The following NEK6 variants were observed in gnomAD, a reference collection of about 807,000 sequenced individuals.
NEK6 encodes NIMA related kinase 6.
In NEK6, 27 loss-of-function variants were observed where a neutral mutation model predicts 43.5. The ratio of observed to expected loss-of-function variants is 0.62; its 90% CI spans 0.46 to 0.86. NEK6 has a LOEUF of 0.86. Among genes scored for constraint, NEK6 ranks in the 40% least tolerant of loss-of-function variants. NEK6 has a pLI of 0.00. For missense variants in NEK6, 318 were observed against 414.4 expected (o/e 0.77, Z 2.02); for synonymous variants, 167 against 164.1 (o/e 1.02, Z -0.14).
intron 7 of NEK6, among the ~76,000 whole-genome samples, chr9:124,334,891 C>G (rs934840250): frequency 6.6e-6 from 1 of 152,192 alleles, no homozygotes; most frequent in African/African-American, 2.4e-5. Flanking sequence ...CCCACAGCAT[C>G]CCTCCTGTAG....
chr9:124,285,631 C>G (rs1180318098), intron 1 of NEK6, among the ~76,000 whole-genome samples: 1 of 152,150 alleles, frequency 6.6e-6, no homozygotes, highest in Non-Finnish European at 1.5e-5. Context: ...GGTTCAGGAT[C>G]TCCAAACACA....
chr9:124,297,431 C>T (rs1369558747), intron 1 of NEK6, among the ~76,000 whole-genome samples: 2 of 152,172 alleles, frequency 1.3e-5, no homozygotes, highest in Non-Finnish European at 1.5e-5. Flanking sequence ...TAGATGAAAC[C>T]GGGCCAGGAC....
chr9:124,332,512 G>A (rs1829054535), intron 7 of NEK6, among the ~76,000 whole-genome samples: 2 of 152,164 alleles, frequency 1.3e-5, no homozygotes, highest in African/African-American at 4.8e-5. Flanking sequence ...GTCCCATGGA[G>A]GATTCAGTGC....
At chr9:124,333,923 G>A (rs922127523) in intron 7 of NEK6, among the ~76,000 whole-genome samples, 10 of 152,082 alleles carry the variant, frequency 6.6e-5, no homozygotes, top group Non-Finnish European at 1.5e-4. Context: ...GAGTACAGGC[G>A]CGTGCCACCA....
At position 124,340,408 on chromosome 9, in the gene NEK6, T is replaced by C. The variant is rs185341099; in HGVS notation, c.717+743T>C. On this transcript the variant is annotated intron_variant, in intron 8 of 9. Coordinates refer to ENST00000320246, the MANE Select transcript of NEK6 (RefSeq NM_014397.6). ...AGGCCTAAGTTCTCCGGTGTCCAGG[T>C]TGGCAGCCACACAAGCTCCCCACTG... 1.4e-3 allele frequency among the ~76,000 whole-genome samples: 206 copies of C among 152,290 alleles called. 1 individual carries two copies. The highest frequency in any genetic ancestry group is 2.6e-3 in the Non-Finnish European group (175 of 68,006).
chr9:124,313,118 C>G (rs759762186), intron 3 of NEK6, among the ~76,000 whole-genome samples: 1 of 152,190 alleles, frequency 6.6e-6, no homozygotes. Context: ...AGGACAGGAG[C>G]CATGTCCATG....
intron 1 of NEK6, among the ~76,000 whole-genome samples, chr9:124,280,459 C>T (rs1011573258): frequency 7.9e-5 from 12 of 152,234 alleles, no homozygotes; most frequent in South Asian, 2.1e-4. Flanking sequence ...ACCATTGGAG[C>T]GTCCTTAGAG....
intron 1 of NEK6, among the ~76,000 whole-genome samples, chr9:124,274,856 G>A (rs1831589743): frequency 6.6e-6 from 1 of 152,158 alleles, no homozygotes; most frequent in South Asian, 2.1e-4. Context: ...GTCCTCTCCA[G>A]TGCCGGCTCT....
intron 4 of NEK6, among the ~76,000 whole-genome samples, chr9:124,317,534 A>G (rs1242475606): frequency 6.6e-6 from 1 of 152,006 alleles, no homozygotes; most frequent in African/African-American, 2.4e-5. Context: ...TTAAATTTCC[A>G]TTTTTATTTT....
At chr9:124,300,258 C>CA (rs1203873824) in intron 1 of NEK6, 1 of 152,184 alleles carries the variant, frequency 6.6e-6, no homozygotes. Context: ...TGGCTGGAAA[C>CA]AGACTACAGT....
chr9:124,277,453 AAAC>A (rs1273564294), intron 1 of NEK6, among the ~76,000 whole-genome samples: 1 of 152,152 alleles, frequency 6.6e-6, no homozygotes, highest in Non-Finnish European at 1.5e-5. Context: ...CTCAAAAACA[AAAC>A]AAAGAATCCT....
chr9:124,315,581 G>A (rs1833772431), intron 4 of NEK6, among the ~76,000 whole-genome samples: 1 of 152,212 alleles, frequency 6.6e-6, no homozygotes, highest in Admixed American at 6.5e-5. Context: ...CACTTACCCA[G>A]CCCTGAGGAA....
chr9:124,324,193 G>GAGGCCTCATT lies in NEK6; in HGVS notation c.406-2137_406-2136insAGGCCTCATT, dbSNP rs1320881048. 2.6e-5 allele frequency among the ~76,000 whole-genome samples: 4 copies of GAGGCCTCATT among 152,238 alleles called. No individual in the cohort carries two copies. The highest frequency in any genetic ancestry group is 5.9e-5 in the Non-Finnish European group (4 of 68,032). On this transcript the variant is annotated intron_variant, in intron 5 of 9. Transcript: ENST00000320246. This position sits in a 1 kb window ranked among gnomAD's most constrained non-coding sequence, Gnocchi z 5.3. Reference sequence around the variant, plus strand: ...CCTGGATGGCCTCAGGCGGGTCCCTGTGCCTCAGTTGCCTCATCTGTAACA... The same window carrying GAGGCCTCATT: ...CCTGGATGGCCTCAGGCGGGTCCCTGAGGCCTCATTTGCCTCAGTTGCCTCATCTGTAACA...
chr9:124,284,117 GGC>G (rs1832045427), intron 1 of NEK6, among the ~76,000 whole-genome samples: 2 of 152,248 alleles, frequency 1.3e-5, no homozygotes, highest in Admixed American at 1.3e-4. Flanking sequence ...GGGAGGCTGA[GGC>G]GGGAGGATCA....
At chr9:124,339,508 C>T in intron 7 of NEK6, 63 bp from the exon 8 acceptor site, 1 of 1,214,822 alleles carries the variant, frequency 8.2e-7, no homozygotes, top group Non-Finnish European at 1.2e-6. Context: ...TCCAACCTCA[C>T]CTCTGTGCCC....
intron 1 of NEK6, among the ~76,000 whole-genome samples, chr9:124,264,128 A>G (rs145529898): frequency 8.6e-4 from 131 of 152,264 alleles, no homozygotes; most frequent in Non-Finnish European, 1.6e-3. Context: ...AGTCCTGCAC[A>G]TTTTATGCCC....
At chr9:124,306,708 T>A (rs1833271922) in intron 2 of NEK6, among the ~76,000 whole-genome samples, 1 of 152,188 alleles carries the variant, frequency 6.6e-6, no homozygotes, top group Non-Finnish European at 1.5e-5. Flanking sequence ...GGGCTTTGGG[T>A]CTGAAGTTAG....
intron 1 of NEK6, among the ~76,000 whole-genome samples, chr9:124,290,341 GC>G (rs1288394515): frequency 6.6e-6 from 1 of 152,242 alleles, no homozygotes; most frequent in East Asian, 1.9e-4. Flanking sequence ...TGGGAGTCCG[GC>G]CCCCAGGGCC....
At chr9:124,302,918 G>C (rs553390792) in intron 2 of NEK6, among the ~76,000 whole-genome samples, 2 of 152,248 alleles carry the variant, frequency 1.3e-5, no homozygotes, top group African/African-American at 4.8e-5. Flanking sequence ...CCGCGTGCTC[G>C]CTGAGTTAAG....
Sources: gnomAD v4.1 joint callset for allele counts (sites outside exome capture counted in the v4.1 genomes callset) on GRCh38, gnomAD v4.1.1 for gene constraint, Gnocchi (gnomAD v3.1) non-coding constraint, MANE v1.5 for transcripts, NCBI Gene and HGNC (gene_info 2026-07-23, HGNC 2026-07-21) for gene names.